RPS6KC1: variants seen among roughly 807,000 people sequenced by gnomAD.
RPS6KC1 encodes the protein inactive ribosomal protein S6 kinase delta-1.
In RPS6KC1, 54 loss-of-function variants were observed where a neutral mutation model predicts 103.8. The observed-to-expected ratio is 0.52, with a 90% CI of 0.42 to 0.65. The LOEUF (loss-of-function observed/expected upper bound fraction) is 0.65, where lower values mean the gene tolerates loss of function less well. Ranked by LOEUF, RPS6KC1 falls within the 30% of genes least tolerant of loss-of-function variation. The probability of loss-of-function intolerance (pLI) is 0.00; values close to 1 mark genes in which losing one functional copy is unlikely to be tolerated. For synonymous variants in RPS6KC1, 439 were observed against 438.7 expected (o/e 1.00, Z -0.01); for missense variants, 1,151 against 1,253.8 (o/e 0.92, Z 1.24).
intron 1 of RPS6KC1, among the ~76,000 whole-genome samples, chr1:213,057,329 C>T (rs1372408672): frequency 6.6e-6 from 1 of 152,146 alleles, no homozygotes; most frequent in African/African-American, 2.4e-5. Context: ...AAGGAGGCAG[C>T]GCTTTGCTTT....
the RPS6KC1 span, among the ~76,000 whole-genome samples, chr1:213,549,612 C>CTTTTTT: frequency 4.9e-4 from 43 of 86,916 alleles, no homozygotes; most frequent in African/African-American, 8.3e-4. Context: ...TTTTCTTTTC[C>CTTTTTT]TTTTTTTTTT....
At chr1:213,608,407 G>A in the RPS6KC1 span, among the ~76,000 whole-genome samples, 1 of 152,190 alleles carries the variant, frequency 6.6e-6, no homozygotes, top group Admixed American at 6.5e-5. Context: ...GTTAGGATGA[G>A]GCCTCCGGGG....
At chr1:213,600,685 A>C in the RPS6KC1 span, among the ~76,000 whole-genome samples, 4 of 152,184 alleles carry the variant, frequency 2.6e-5, no homozygotes, top group African/African-American at 9.7e-5. Context: ...ACTCCCCACC[A>C]GCTCCACTTC....
the RPS6KC1 span, among the ~76,000 whole-genome samples, chr1:213,693,841 T>G: frequency 6.6e-6 from 1 of 152,204 alleles, no homozygotes; most frequent in South Asian, 2.1e-4. Flanking sequence ...AAAAACTAGG[T>G]TAGCTTTCTA....
the RPS6KC1 span, among the ~76,000 whole-genome samples, chr1:213,846,983 A>G: frequency 4.6e-5 from 7 of 152,276 alleles, no homozygotes; most frequent in East Asian, 1.4e-3. Context: ...GTGTCCATGT[A>G]TAATTTTAAA....
chr1:213,172,941 A>G (rs573193004), intron 7 of RPS6KC1, among the ~76,000 whole-genome samples: 2 of 152,302 alleles, frequency 1.3e-5, no homozygotes, highest in Admixed American at 1.3e-4. Flanking sequence ...CTAGAAATAC[A>G]TTGCTTCTCC....
At chr1:213,382,441 T>C in the RPS6KC1 span, among the ~76,000 whole-genome samples, 1 of 152,242 alleles carries the variant, frequency 6.6e-6, no homozygotes, top group Non-Finnish European at 1.5e-5. Flanking sequence ...GTTTGGTCTT[T>C]TCAGCTGTCT....
intron 6 of RPS6KC1, among the ~76,000 whole-genome samples, chr1:213,156,270 A>G (rs2089877303): frequency 1.3e-5 from 2 of 152,342 alleles, no homozygotes; most frequent in South Asian, 2.1e-4. Context: ...GGAAAGATTA[A>G]TGAACTTGAG....
chr1:213,373,027 G>C, the RPS6KC1 span, among the ~76,000 whole-genome samples: 2 of 152,298 alleles, frequency 1.3e-5, no homozygotes, highest in Admixed American at 1.3e-4. Context: ...TAAATACTTA[G>C]AAAATCCTTT....
the RPS6KC1 span, among the ~76,000 whole-genome samples, chr1:213,285,227 G>A: frequency 6.6e-6 from 1 of 152,174 alleles, no homozygotes; most frequent in African/African-American, 2.4e-5. Context: ...GCAGAGAGAG[G>A]AAGCAAGCTC....
the RPS6KC1 span, among the ~76,000 whole-genome samples, chr1:213,380,186 G>T: frequency 6.6e-6 from 1 of 152,154 alleles, no homozygotes; most frequent in Non-Finnish European, 1.5e-5. Context: ...AGCCTGGATG[G>T]AGCTGGAGGC....
chr1:213,857,108 G>A, the RPS6KC1 span, among the ~76,000 whole-genome samples: 1 of 152,176 alleles, frequency 6.6e-6, no homozygotes, highest in Non-Finnish European at 1.5e-5. Flanking sequence ...ATGAAAATAA[G>A]CTAGTTATTG....
intron 8 of RPS6KC1, among the ~76,000 whole-genome samples, chr1:213,207,282 A>G (rs1340753473): frequency 6.6e-6 from 1 of 152,216 alleles, no homozygotes; most frequent in Non-Finnish European, 1.5e-5. Flanking sequence ...GAAAGTAAAC[A>G]GCAGACAGAA....
rs541174644 is a variant in RPS6KC1, at chr1:213,199,824, C to G, written c.1044+23332C>G. ...AAAATCAATGTGCAAAAATCACTAGCATTCCTATACACCAACAACAGTCAA... is the reference window on the plus strand; with the variant it reads ...AAAATCAATGTGCAAAAATCACTAGGATTCCTATACACCAACAACAGTCAA... On this transcript the variant is annotated intron_variant, in intron 8 of 14. Coordinates refer to ENST00000366960, the MANE Select transcript of RPS6KC1 (RefSeq NM_012424.6). Among the ~76,000 whole-genome samples the G allele has an allele frequency of 4.6e-5, 7 of 152,294 alleles. 1 individual carries two copies. The South Asian group carries it at 1.4e-3, about 32-fold the overall frequency.
intron 10 of RPS6KC1, among the ~76,000 whole-genome samples, chr1:213,237,490 A>C (rs992618143): frequency 6.6e-6 from 1 of 152,058 alleles, no homozygotes; most frequent in African/African-American, 2.4e-5. Context: ...TACTCATATA[A>C]ATACATGTAT....
the RPS6KC1 span, among the ~76,000 whole-genome samples, chr1:213,747,931 C>T: frequency 6.6e-6 from 1 of 152,156 alleles, no homozygotes; most frequent in African/African-American, 2.4e-5. Flanking sequence ...AATATTGTAA[C>T]CTTTTGGTGA....
At chr1:213,289,722 G>T in the RPS6KC1 span, among the ~76,000 whole-genome samples, 1 of 152,144 alleles carries the variant, frequency 6.6e-6, no homozygotes, top group Non-Finnish European at 1.5e-5. Context: ...TTTCCAAAAA[G>T]AATTACAATA....
the RPS6KC1 span, among the ~76,000 whole-genome samples, chr1:213,590,347 A>G: frequency 6.6e-6 from 1 of 152,288 alleles, no homozygotes; most frequent in South Asian, 2.1e-4. Flanking sequence ...CATCAGAGAG[A>G]CTGAAGAAAT....
chr1:213,059,734 G>A (rs890380037), intron 1 of RPS6KC1, among the ~76,000 whole-genome samples: 2 of 151,760 alleles, frequency 1.3e-5, no homozygotes, highest in African/African-American at 4.8e-5. Flanking sequence ...GTGCAATGGC[G>A]TGATCTTGGC....
Sources: allele counts gnomAD v4.1 joint callset (sites outside exome capture counted in the v4.1 genomes callset), GRCh38; gene constraint gnomAD v4.1.1; transcripts MANE v1.5; gene names NCBI Gene and HGNC (gene_info 2026-07-23, HGNC 2026-07-21).